Variants in CTNNA3 observed in about 807,000 individuals in gnomAD.
The protein encoded by CTNNA3 is catenin alpha 3, also known as catenin alpha-3.
A neutral mutation model predicts 95.7 loss-of-function variants in CTNNA3; 76 were observed. The ratio of observed to expected loss-of-function variants is 0.79; its 90% CI spans 0.66 to 0.96. The LOEUF (loss-of-function observed/expected upper bound fraction) is 0.96. CTNNA3 is among the 40% of genes least tolerant of loss of function. The pLI is 0.00. For synonymous variants in CTNNA3, 431 were observed against 374.4 expected (o/e 1.15, Z -1.74); for missense variants, 1,191 against 1,089.8 (o/e 1.09, Z -1.31).
chr10:67,443,640 GTTGT>G (rs1389006852), intron 5 of CTNNA3, among the ~76,000 whole-genome samples: 11 of 152,142 alleles, frequency 7.2e-5, no homozygotes, highest in Non-Finnish European at 1.3e-4. Flanking sequence ...TTTTGATGGA[GTTGT>G]TTGTTTTTTT....
chr10:65,946,348 C>A (rs76870622), intron 17 of CTNNA3, among the ~76,000 whole-genome samples: 2,554 of 152,110 alleles, frequency 0.017, 68 homozygotes, highest in African/African-American at 0.058. Context: ...ATTCTTTTAG[C>A]TTTAAATAAA....
At chr10:67,574,829 C>T (rs1842092619) in intron 3 of CTNNA3, among the ~76,000 whole-genome samples, 1 of 152,138 alleles carries the variant, frequency 6.6e-6, no homozygotes, top group Non-Finnish European at 1.5e-5. Context: ...GATCCACCTG[C>T]CTCGGCCTCC....
intron 3 of CTNNA3, among the ~76,000 whole-genome samples, chr10:67,589,887 A>T (rs1405671515): frequency 6.6e-6 from 1 of 152,112 alleles, no homozygotes; most frequent in East Asian, 1.9e-4. Context: ...ACAGATCATT[A>T]GTTATCTTTT....
At chr10:66,572,462 T>G (rs574995710) in intron 10 of CTNNA3, among the ~76,000 whole-genome samples, 1 of 151,886 alleles carries the variant, frequency 6.6e-6, no homozygotes, top group African/African-American at 2.4e-5. Context: ...AAACTATATG[T>G]CTATCTCTAC....
At chr10:67,446,977 C>T (rs190474456) in intron 5 of CTNNA3, among the ~76,000 whole-genome samples, 1,752 of 152,146 alleles carry the variant, frequency 0.012, 37 homozygotes, top group African/African-American at 0.039. Context: ...TGGTGGCGGG[C>T]GCCTGTAGTC....
chr10:65,927,978 T>G (rs111402154), intron 17 of CTNNA3, among the ~76,000 whole-genome samples: 7 of 152,272 alleles, frequency 4.6e-5, no homozygotes, highest in Non-Finnish European at 8.8e-5. Context: ...ATTTTGATTC[T>G]TTTTACATTT....
At chr10:67,507,890 G>C (rs1839478048) in intron 5 of CTNNA3, among the ~76,000 whole-genome samples, 1 of 152,144 alleles carries the variant, frequency 6.6e-6, no homozygotes, top group African/African-American at 2.4e-5. Context: ...TAACAGAATG[G>C]AGAACAAAAA....
At chr10:66,328,715 T>A (rs2092286380) in intron 12 of CTNNA3, among the ~76,000 whole-genome samples, 1 of 151,362 alleles carries the variant, frequency 6.6e-6, no homozygotes. Context: ...GCCCACAATA[T>A]GCCTTCTGCA....
intron 1 of CTNNA3, among the ~76,000 whole-genome samples, chr10:67,747,498 C>T (rs952556356): frequency 2.0e-5 from 3 of 152,128 alleles, no homozygotes; most frequent in Admixed American, 2.0e-4. Context: ...TGAAGTGAAA[C>T]CCCAGCAAAC....
At chr10:66,931,487 A>G (rs1847388924) in intron 7 of CTNNA3, among the ~76,000 whole-genome samples, 1 of 152,132 alleles carries the variant, frequency 6.6e-6, no homozygotes, top group Non-Finnish European at 1.5e-5. Context: ...TTTTTACTTG[A>G]TTTGGTGAGT....
At chr10:66,333,671 G>C in intron 12 of CTNNA3, among the ~76,000 whole-genome samples, 1 of 151,682 alleles carries the variant, frequency 6.6e-6, no homozygotes, top group Non-Finnish European at 1.5e-5. Flanking sequence ...TTTTGGAATA[G>C]GTGTGGTGTG....
chr10:66,521,549 G>T (rs1482770978), intron 10 of CTNNA3, among the ~76,000 whole-genome samples: 1 of 152,114 alleles, frequency 6.6e-6, no homozygotes. Context: ...GGAGAGAAAT[G>T]AGCAGAAGCA....
At chr10:67,730,383 C>G (rs1841267994) in intron 1 of CTNNA3, among the ~76,000 whole-genome samples, 1 of 151,788 alleles carries the variant, frequency 6.6e-6, no homozygotes, top group Non-Finnish European at 1.5e-5. Flanking sequence ...ATTTTTTTAG[C>G]CAGTCACACT....
At chr10:67,562,542 G>T (rs1841557456) in intron 3 of CTNNA3, among the ~76,000 whole-genome samples, 1 of 152,110 alleles carries the variant, frequency 6.6e-6, no homozygotes, top group African/African-American at 2.4e-5. Flanking sequence ...ATACTGAATG[G>T]GCAAACACTG....
At chr10:67,086,505 C>T (rs1387373326) in intron 7 of CTNNA3, among the ~76,000 whole-genome samples, 1 of 151,978 alleles carries the variant, frequency 6.6e-6, no homozygotes, top group African/African-American at 2.4e-5. Flanking sequence ...TCCTGAAATG[C>T]TCCTCTGCAA....
intron 10 of CTNNA3, among the ~76,000 whole-genome samples, chr10:66,559,846 T>C (rs1413163843): frequency 1.3e-5 from 2 of 152,094 alleles, no homozygotes; most frequent in East Asian, 1.9e-4. Flanking sequence ...TACTACATAG[T>C]AATTCATTTT....
At chr10:66,443,564 G>C (rs567652388) in intron 11 of CTNNA3, among the ~76,000 whole-genome samples, 4 of 152,162 alleles carry the variant, frequency 2.6e-5, no homozygotes, top group Non-Finnish European at 4.4e-5. Flanking sequence ...AGGCAAAAAG[G>C]GTCTGGAGTG....
At chr10:66,468,313 T>G (rs1470065555) in intron 11 of CTNNA3, among the ~76,000 whole-genome samples, 1 of 152,066 alleles carries the variant, frequency 6.6e-6, no homozygotes, top group African/African-American at 2.4e-5. Context: ...GTTATCTGAC[T>G]AAATTGTTGC....
At chr10:66,653,174 T>C (rs563888342) in intron 9 of CTNNA3, among the ~76,000 whole-genome samples, 3 of 152,148 alleles carry the variant, frequency 2.0e-5, no homozygotes, top group South Asian at 2.1e-4. Flanking sequence ...GGAAGTCAAA[T>C]TGCCCCTCTT....
Sources: gnomAD v4.1 joint callset for allele counts (sites outside exome capture counted in the v4.1 genomes callset) on GRCh38, gnomAD v4.1.1 for gene constraint, MANE v1.5 for transcripts, NCBI Gene and HGNC (gene_info 2026-07-23, HGNC 2026-07-21) for gene names.